The following ANKRD17 variants were observed in gnomAD, a reference collection of about 807,000 sequenced individuals.
ANKRD17 encodes ankyrin repeat domain 17.
In ANKRD17, 19 loss-of-function variants were observed where a neutral mutation model predicts 229.7. That is an observed-to-expected ratio of 0.08 (90% CI 0.06 to 0.12). The LOEUF (loss-of-function observed/expected upper bound fraction) is 0.12, where lower values mean the gene tolerates loss of function less well. Among genes scored for constraint, ANKRD17 ranks in the 10% least tolerant of loss-of-function variants. ANKRD17 has a pLI of 1.00. For missense variants in ANKRD17, 2,176 were observed against 3,176.8 expected (o/e 0.68, Z 7.57); for synonymous variants, 1,112 against 1,146.1 (o/e 0.97, Z 0.60).
At chr4:73,168,346 C>T (rs1295463861) in intron 2 of ANKRD17, among the ~76,000 whole-genome samples, 1 of 151,908 alleles carries the variant, frequency 6.6e-6, no homozygotes, top group Non-Finnish European at 1.5e-5. Context: ...CTTTACAAAA[C>T]CTAAGAAAAC....
chr4:73,177,466 A>C lies in ANKRD17; in HGVS notation c.461T>G (p.Leu154Arg). 6.2e-7 allele frequency: 1 copy of C among 1,613,874 alleles called. No homozygotes were observed. The highest frequency in any genetic ancestry group is 8.5e-7 in the Non-Finnish European group (1 of 1,179,830). ...NPMLETASKL[L>R]LSGTADGADL... ...TGCACCATCAGCAGTACCTGATAAG[A>C]GCAACTTGGAAGCTGTTTCCAGCAT... Residue 154 changes from leucine to arginine, a missense_variant, in exon 2 of 34, where the codon CTC (leucine) becomes CGC (arginine). Around this residue, in one of 18 missense-constraint regions of ANKRD17, gnomAD observed 184 missense variants for 357.8 expected, o/e 0.51. Coordinates refer to ENST00000358602, the MANE Select transcript of ANKRD17 (RefSeq NM_032217.5).
chr4:73,119,972 GAAAC>G (rs1480341780), intron 21 of ANKRD17, among the ~76,000 whole-genome samples, 186 bp downstream of exon 21: 1 of 152,158 alleles, frequency 6.6e-6, no homozygotes, highest in Non-Finnish European at 1.5e-5. Context: ...AGGTTACACA[GAAAC>G]AAATCAGACA....
In ANKRD17 at chr4:73,188,298, A is replaced by G. The variant is rs113978494; in HGVS notation, c.394-10765T>C. 9.1e-3 allele frequency among the ~76,000 whole-genome samples: 1,384 copies of G among 152,114 alleles called. 11 individuals carry two copies. Among genetic ancestry groups the G allele is most frequent in the Non-Finnish European group, 0.014 (978 of 67,998 alleles). On this transcript the variant is annotated intron_variant, in intron 1 of 33. Coordinates refer to ENST00000358602, the MANE Select transcript of ANKRD17 (RefSeq NM_032217.5). Reference sequence around the variant, plus strand: ...TTTAGCCATAGCGATCTTTAAAGAAAAATTTAGGCCAGGTATGGTGGCTCA... The same window carrying G: ...TTTAGCCATAGCGATCTTTAAAGAAGAATTTAGGCCAGGTATGGTGGCTCA...
At chr4:73,227,301 C>A (rs1560760998) in intron 1 of ANKRD17, among the ~76,000 whole-genome samples, 1 of 152,002 alleles carries the variant, frequency 6.6e-6, no homozygotes, top group Non-Finnish European at 1.5e-5. Context: ...TTACAGGCGC[C>A]CACCACCACG....
intron 15 of ANKRD17, among the ~76,000 whole-genome samples, chr4:73,139,173 G>C (rs1313889234): frequency 6.6e-6 from 1 of 151,818 alleles, no homozygotes; most frequent in African/African-American, 2.4e-5. Context: ...CAATTTCCCA[G>C]TTTATTGGTG....
intron 1 of ANKRD17, among the ~76,000 whole-genome samples, chr4:73,242,347 G>A (rs1019578319): frequency 6.6e-6 from 1 of 151,760 alleles, no homozygotes; most frequent in Non-Finnish European, 1.5e-5. Flanking sequence ...AAAGTATAAT[G>A]GAATAAAATA....
intron 1 of ANKRD17, among the ~76,000 whole-genome samples, chr4:73,257,330 T>C (rs1207908478): frequency 6.6e-6 from 1 of 152,144 alleles, no homozygotes; most frequent in African/African-American, 2.4e-5. Flanking sequence ...CTGTGAGGAA[T>C]AAGGTCCTGC....
At chr4:73,220,446 T>C (rs1336126535) in intron 1 of ANKRD17, among the ~76,000 whole-genome samples, 3 of 152,112 alleles carry the variant, frequency 2.0e-5, no homozygotes, top group Non-Finnish European at 4.4e-5. Flanking sequence ...ATGATGTAAG[T>C]TGAAATCCAC....
chr4:73,169,646 T>C (rs926269769), intron 2 of ANKRD17, among the ~76,000 whole-genome samples: 1 of 152,156 alleles, frequency 6.6e-6, no homozygotes, highest in African/African-American at 2.4e-5. Context: ...GGTTTTGACT[T>C]CGCATTGCTG....
intron 1 of ANKRD17, chr4:73,223,089 T>C: frequency 6.6e-7 from 1 of 1,510,114 alleles, no homozygotes; most frequent in Non-Finnish European, 8.9e-7. Context: ...GCAGGAACAC[T>C]CCTCTGTGTC....
intron 1 of ANKRD17, among the ~76,000 whole-genome samples, chr4:73,214,753 T>C (rs1410270787): frequency 4.0e-5 from 6 of 149,932 alleles, no homozygotes; most frequent in Non-Finnish European, 8.9e-5. Context: ...CCTGTAATGC[T>C]AGCGCTTTAG....
chr4:73,190,852 CCT>C (rs528603566), intron 1 of ANKRD17, among the ~76,000 whole-genome samples: 46 of 151,826 alleles, frequency 3.0e-4, no homozygotes, highest in African/African-American at 1.1e-3. Context: ...AAGTGTAAGA[CCT>C]ACAGGAAAAA....
At chr4:73,226,159 T>G (rs1742470978) in intron 1 of ANKRD17, among the ~76,000 whole-genome samples, 1 of 151,094 alleles carries the variant, frequency 6.6e-6, no homozygotes, top group African/African-American at 2.4e-5. Flanking sequence ...GTATTTTTAG[T>G]AGAAACGGGG....
intron 26 of ANKRD17, 114 bp from the exon 27 acceptor site, chr4:73,097,386 G>T: frequency 3.4e-6 from 3 of 888,860 alleles, no homozygotes; most frequent in Non-Finnish European, 4.8e-6. Context: ...AACAAATGAC[G>T]ACCTTATTTT....
chr4:73,196,546 TTA>T (rs1491484772), intron 1 of ANKRD17, among the ~76,000 whole-genome samples: 1 of 152,106 alleles, frequency 6.6e-6, no homozygotes, highest in Non-Finnish European at 1.5e-5. Flanking sequence ...ACGTTTATAT[TTA>T]CACACACACA....
intron 2 of ANKRD17, among the ~76,000 whole-genome samples, chr4:73,164,259 T>C (rs1732928128): frequency 2.0e-5 from 3 of 152,206 alleles, no homozygotes; most frequent in Admixed American, 2.0e-4. Context: ...AGAGGACAGA[T>C]CTGGCTCAGT....
chr4:73,193,435 T>C (rs568783747), intron 1 of ANKRD17, among the ~76,000 whole-genome samples: 1 of 152,322 alleles, frequency 6.6e-6, no homozygotes, highest in East Asian at 1.9e-4. Context: ...ACTGCCAGAC[T>C]TTTACGTGAC....
At chr4:73,183,557 C>T (rs961662931) in intron 1 of ANKRD17, among the ~76,000 whole-genome samples, 4 of 152,010 alleles carry the variant, frequency 2.6e-5, no homozygotes, top group Non-Finnish European at 2.9e-5. Context: ...TGGGTTCAAG[C>T]GATTCTCCCA....
chr4:73,152,730 T>A (rs1731160664), intron 6 of ANKRD17, among the ~76,000 whole-genome samples: 1 of 151,820 alleles, frequency 6.6e-6, no homozygotes, highest in African/African-American at 2.4e-5. Flanking sequence ...TCAAAAGTAT[T>A]TGTGAGAAGG....
Sources: gnomAD v4.1 joint callset for allele counts (sites outside exome capture counted in the v4.1 genomes callset) on GRCh38, gnomAD v4.1.1 for gene constraint, gnomAD v4.1.1 regional missense constraint, MANE v1.5 for transcripts, NCBI Gene and HGNC (gene_info 2026-07-23, HGNC 2026-07-21) for gene names.